TRIM16: variants seen among roughly 807,000 people sequenced by gnomAD.
TRIM16 encodes the protein tripartite motif containing 16.
Under a neutral mutation model 50.4 loss-of-function variants are expected in TRIM16, and 33 were observed. That is an observed-to-expected ratio of 0.65 (90% CI 0.50 to 0.88). TRIM16 has a LOEUF of 0.88. Among genes scored for constraint, TRIM16 ranks in the 40% least tolerant of loss-of-function variants. TRIM16 has a pLI of 0.00. For synonymous variants in TRIM16, 229 were observed against 270.7 expected (o/e 0.85, Z 1.51); for missense variants, 581 against 686.8 (o/e 0.85, Z 1.72).
intron 3 of TRIM16, among the ~76,000 whole-genome samples, chr17:15,682,136 T>C (rs1336881806): frequency 2.6e-5 from 4 of 152,240 alleles, no homozygotes; most frequent in South Asian, 2.1e-4. Context: ...TGGTACAGAA[T>C]AAGCACTCAG....
chr17:15,680,385 C>G (rs1229578077), intron 4 of TRIM16, among the ~76,000 whole-genome samples: 1 of 149,340 alleles, frequency 6.7e-6, no homozygotes, highest in Non-Finnish European at 1.5e-5. Context: ...TTGTGCCACA[C>G]AGATTTGTGT....
intron 7 of TRIM16, among the ~76,000 whole-genome samples, chr17:15,650,656 G>A (rs2150918192): frequency 6.6e-6 from 1 of 152,294 alleles, no homozygotes; most frequent in South Asian, 2.1e-4. Flanking sequence ...AGAAAGAGTT[G>A]TTCTTTTCTC....
intron 6 of TRIM16, among the ~76,000 whole-genome samples, chr17:15,665,267 C>A (rs1169831835): frequency 6.6e-6 from 1 of 152,116 alleles, no homozygotes; most frequent in African/African-American, 2.4e-5. Context: ...AATCCCAGCA[C>A]TTTGGGAGGC....
chr17:15,636,008 G>T, intron 9 of TRIM16, 28 bp downstream of exon 9: 1 of 1,609,606 alleles, frequency 6.2e-7, no homozygotes, highest in Non-Finnish European at 8.5e-7. Flanking sequence ...GCAGCTGTGG[G>T]ATGCCTCTGC....
At chr17:15,667,236 G>A (rs566601913) in intron 6 of TRIM16, among the ~76,000 whole-genome samples, 33 of 152,210 alleles carry the variant, frequency 2.2e-4, no homozygotes, top group African/African-American at 8.0e-4. Context: ...GCGCAATGAT[G>A]CAGGAGCAAT....
rs1259275899 is a variant in TRIM16 at position 15,683,068 on chromosome 17, A to C, written c.-809T>G. On this transcript the variant is annotated 5_prime_UTR_variant, in exon 2 of 12. The change abolishes an upstream ATG in the 5' untranslated region. Transcript: ENST00000649191. ...CTGGAGTTTGCAGGTCCAATCCTCCATAATCATAGCCTTTGCTTCACTATT... is the reference window on the plus strand; with the variant it reads ...CTGGAGTTTGCAGGTCCAATCCTCCCTAATCATAGCCTTTGCTTCACTATT... The C allele has an allele frequency of 1.3e-6, 2 of 1,550,478 alleles. No individual in the cohort carries two copies. The highest frequency in any genetic ancestry group is 1.7e-6 in the Non-Finnish European group (2 of 1,147,008).
intron 6 of TRIM16, among the ~76,000 whole-genome samples, chr17:15,674,861 A>T (rs1216552777): frequency 6.6e-6 from 1 of 152,188 alleles, no homozygotes; most frequent in African/African-American, 2.4e-5. Flanking sequence ...AGGTAAAGCA[A>T]ACAAAAGCTG....
chr17:15,665,983 A>G (rs187734166), intron 6 of TRIM16, among the ~76,000 whole-genome samples: 10 of 152,210 alleles, frequency 6.6e-5, no homozygotes, highest in African/African-American at 2.4e-4. Flanking sequence ...ACCCAACTAG[A>G]TTACAAATCA....
At chr17:15,680,992 T>C (rs1054685864) in intron 3 of TRIM16, 39 bp from the exon 4 acceptor site, 1 of 1,397,746 alleles carries the variant, frequency 7.2e-7, no homozygotes, top group Non-Finnish European at 9.6e-7. Flanking sequence ...GGTTTATCTT[T>C]ATGTATCTCA....
In TRIM16 at chr17:15,632,728, G is replaced by C. The variant is rs1187081081; in HGVS notation, c.850-54C>G. 6.0e-6 allele frequency: 9 copies of C among 1,491,618 alleles called. No homozygotes were observed. In the East Asian group the frequency reaches 2.1e-4, roughly 34 times the overall value. 92.4% of individuals were successfully genotyped at this position (1,491,618 alleles called of 1,614,324 possible). A position where few individuals can be genotyped will look rare whatever the true frequency, so the allele number is the denominator to read the frequency against. ...TGTGGTTTCTGTATTTCTAAACTCG[G>C]GCTTCTCTCCTCATTAAGTCACTTT... On this transcript the variant is annotated intron_variant, in intron 9 of 11. Transcript: ENST00000649191.
At chr17:15,678,200 C>A (rs1420993188) in intron 4 of TRIM16, among the ~76,000 whole-genome samples, 5 of 146,956 alleles carry the variant, frequency 3.4e-5, no homozygotes, top group African/African-American at 1.3e-4. Context: ...GCCTGGGCAA[C>A]AGAACGAGAC....
intron 8 of TRIM16, among the ~76,000 whole-genome samples, chr17:15,638,291 A>G (rs116219159): frequency 0.06 from 8,726 of 144,972 alleles, 1,202 homozygotes; most frequent in African/African-American, 0.2. Flanking sequence ...TGGTGTAGAC[A>G]GCCGGGTGCG....
chr17:15,649,350 G>A (rs1365270448), intron 7 of TRIM16, among the ~76,000 whole-genome samples: 3 of 151,974 alleles, frequency 2.0e-5, no homozygotes, highest in African/African-American at 4.8e-5. Context: ...GAAGTGGCAC[G>A]ATCTCGGCTC....
intron 6 of TRIM16, among the ~76,000 whole-genome samples, chr17:15,660,734 T>C (rs1988188645): frequency 6.6e-6 from 1 of 151,770 alleles, no homozygotes; most frequent in Non-Finnish European, 1.5e-5. Context: ...CCATCTCTAC[T>C]AAAAATACAA....
chr17:15,673,158 T>C (rs140207369), intron 6 of TRIM16, among the ~76,000 whole-genome samples: 3,522 of 152,336 alleles, frequency 0.023, 138 homozygotes, highest in African/African-American at 0.079. Context: ...TTGTTACCAA[T>C]TGTTAACAAA....
At chr17:15,678,875 CTCCTTTT>C (rs1567692844) in intron 4 of TRIM16, among the ~76,000 whole-genome samples, 13 of 135,116 alleles carry the variant, frequency 9.6e-5, no homozygotes, top group Admixed American at 1.5e-4. Context: ...AATGCAGACT[CTCCTTTT>C]TTTTTTTTTT....
intron 7 of TRIM16, among the ~76,000 whole-genome samples, chr17:15,645,185 GTTTGC>G (rs1567675127): frequency 1.3e-5 from 2 of 152,232 alleles, no homozygotes; most frequent in East Asian, 3.9e-4. Context: ...TCAGTAAAGT[GTTTGC>G]TTCATAGGAT....
intron 7 of TRIM16, among the ~76,000 whole-genome samples, chr17:15,644,559 T>C (rs1987268285): frequency 6.6e-6 from 1 of 152,164 alleles, no homozygotes. Flanking sequence ...TTGGTGATCC[T>C]CTCAACCTTC....
At chr17:15,679,481 A>G (rs1164158265) in intron 4 of TRIM16, among the ~76,000 whole-genome samples, 1 of 151,974 alleles carries the variant, frequency 6.6e-6, no homozygotes, top group Non-Finnish European at 1.5e-5. Context: ...GCTTTGAGCA[A>G]TAAAGGCCCA....
Sources: allele counts gnomAD v4.1 joint callset (sites outside exome capture counted in the v4.1 genomes callset), GRCh38; gene constraint gnomAD v4.1.1; transcripts MANE v1.5; gene names NCBI Gene and HGNC (gene_info 2026-07-23, HGNC 2026-07-21).